Variants in DUSP5 observed in about 807,000 individuals in gnomAD.
DUSP5 encodes dual specificity phosphatase 5.
DUSP5 carries 22 observed loss-of-function variants against 33.6 expected under a neutral mutation model. The ratio of observed to expected loss-of-function variants is 0.66; its 90% confidence interval spans 0.47 to 0.94. DUSP5 has a LOEUF of 0.94. Ranked by LOEUF, DUSP5 falls within the 40% of genes least tolerant of loss-of-function variation. DUSP5 has a pLI of 0.00. For synonymous variants in DUSP5, 270 were observed against 231.1 expected, an observed-to-expected ratio of 1.17 and a Z score of -1.53; for missense variants, 551 against 522.1, an observed-to-expected ratio of 1.06 and a Z score of -0.54.
At position 110,509,938 on chromosome 10, in the gene DUSP5, C is replaced by A. The variant is rs1308811520; in HGVS notation, c.749-82C>A. The A allele has an allele frequency of 3.3e-6, 5 of 1,503,848 alleles. No homozygotes were observed. In the African/African-American group the frequency reaches 7.0e-5, roughly 21 times the overall value. The allele number at this position is 1,503,848 out of a possible 1,614,324, so 93.2% of individuals were successfully genotyped here. ...GCACAACAGTTTCATATCTAGGTTA[C>A]TCCAGTGTTTGATTCTTGTGTTTTG... On this transcript the variant is annotated intron_variant, in intron 3 of 3. Transcript: ENST00000369583.
chr10:110,509,898 G>T (rs762519626), intron 3 of DUSP5, 122 bp from the exon 4 acceptor site: 63 of 1,326,188 alleles, frequency 4.8e-5, no homozygotes, highest in Admixed American at 2.5e-4. Flanking sequence ...GTGTAGGGCC[G>T]TGGCTCTTAG....
chr10:110,498,710 G>C (rs1488807074), intron 1 of DUSP5, among the ~76,000 whole-genome samples: 1 of 152,220 alleles, frequency 6.6e-6, no homozygotes, highest in Non-Finnish European at 1.5e-5. Context: ...GAAAGCGCCC[G>C]GCAGCGGGTC....
At chr10:110,509,537 G>A (rs1860160353) in intron 3 of DUSP5, among the ~76,000 whole-genome samples, 1 of 152,196 alleles carries the variant, frequency 6.6e-6, no homozygotes, top group South Asian at 2.1e-4. Flanking sequence ...ATCAGACCTG[G>A]AGAGACAAGA....
intron 3 of DUSP5, among the ~76,000 whole-genome samples, chr10:110,509,424 C>T (rs1157913506): frequency 6.6e-6 from 1 of 152,100 alleles, no homozygotes. Context: ...TGGTGAGAAC[C>T]CTGGGAGCTG....
At chr10:110,506,499 T>C (rs1860121446) in intron 2 of DUSP5, among the ~76,000 whole-genome samples, 1 of 152,126 alleles carries the variant, frequency 6.6e-6, no homozygotes, top group African/African-American at 2.4e-5. Context: ...CACACCATGT[T>C]GAGTCCTGGT....
chr10:110,504,563 G>C (rs909407058), intron 2 of DUSP5, among the ~76,000 whole-genome samples: 1 of 152,162 alleles, frequency 6.6e-6, no homozygotes, highest in African/African-American at 2.4e-5. Flanking sequence ...AGTGTCCATT[G>C]GTGGGGACCC....
At position 110,510,371 on chromosome 10, in the gene DUSP5, A is replaced by G. The variant is rs1346623608; in HGVS notation, c.1100A>G (p.His367Arg). The G allele has an allele frequency of 1.2e-6, 2 of 1,612,414 alleles. No homozygotes were observed. The highest frequency in any genetic ancestry group is 1.3e-5 in the African/African-American group (1 of 74,870). Residue 367 changes from histidine (H) to arginine (R), a missense_variant, in exon 4 of 4, where the codon CAC (histidine) becomes CGC (arginine). His to Arg is a conservative substitution (Grantham distance 29). Transcript: ENST00000369583. ...PASVLAPVPTHSTVSELSRSP... is the reference protein window; with the variant it reads ...PASVLAPVPTRSTVSELSRSP... ...TCGGTGCTGGCACCGGTGCCTACCC[A>G]CTCAACAGTCTCAGAGCTCAGCAGA...
At chr10:110,499,711 C>A (rs1482789196) in intron 1 of DUSP5, among the ~76,000 whole-genome samples, 4 of 152,200 alleles carry the variant, frequency 2.6e-5, no homozygotes, top group Admixed American at 2.6e-4. Context: ...AATCGTCCTT[C>A]TTCTAACAGC....
intron 3 of DUSP5, among the ~76,000 whole-genome samples, chr10:110,508,569 C>T (rs1211352415): frequency 6.6e-6 from 1 of 152,174 alleles, no homozygotes; most frequent in East Asian, 1.9e-4. Context: ...ATGCTGACCC[C>T]TTCCAAGGGA....
rs1337823955 is a variant in DUSP5 at position 110,498,449 on chromosome 10, A to G, written c.328A>G (p.Thr110Ala). The G allele has an allele frequency of 6.5e-7, 1 of 1,538,756 alleles. No homozygotes were observed. Among genetic ancestry groups the G allele is most frequent in the Non-Finnish European group, 8.7e-7 (1 of 1,151,834 alleles). Residue 110 changes from threonine (T) to alanine (A), a missense_variant, in exon 1 of 4, where the codon ACC (threonine) becomes GCC (alanine). Thr to Ala is a moderately conservative substitution (Grantham distance 58, BLOSUM62 0). Coordinates refer to ENST00000369583, the MANE Select transcript of DUSP5 (RefSeq NM_004419.4). ...REESAARVVL[T>A]SLLACLPAGP... ...GGAGAGCGCCGCGCGTGTCGTCCTC[A>G]CCTCGCTACTCGCTTGCCTACCCGC...
chr10:110,507,947 T>C (rs1358605195), intron 3 of DUSP5, among the ~76,000 whole-genome samples: 7 of 152,340 alleles, frequency 4.6e-5, no homozygotes, highest in South Asian at 2.1e-4. Flanking sequence ...TCTAACCTTG[T>C]GATCATGCCC....
In DUSP5 at chr10:110,498,199, C is replaced by T. The variant is rs781774248; in HGVS notation, c.78C>T (p.Leu26=). The T allele has an allele frequency of 8.0e-6, 12 of 1,504,102 alleles. No homozygotes were observed. Among genetic ancestry groups the T allele is most frequent in the Non-Finnish European group, 3.6e-6 (4 of 1,126,244 alleles). The allele number at this position is 1,504,102 out of a possible 1,614,324, so 93.2% of individuals were successfully genotyped here. ...RKEAAARCVV[L]DCRPYLAFAA... ...AGGCGGCGGCGCGCTGCGTGGTGCTCGACTGCCGGCCCTATCTGGCCTTCG... is the reference window on the plus strand; with the variant it reads ...AGGCGGCGGCGCGCTGCGTGGTGCTTGACTGCCGGCCCTATCTGGCCTTCG... Residue 26 remains leucine (L), a synonymous_variant, in exon 1 of 4, where the codon CTC becomes CTT. Coordinates refer to ENST00000369583, the MANE Select transcript of DUSP5 (RefSeq NM_004419.4).
chr10:110,501,948 T>A (rs1860054877), intron 1 of DUSP5, among the ~76,000 whole-genome samples: 1 of 137,106 alleles, frequency 7.3e-6, no homozygotes, highest in South Asian at 2.6e-4. Flanking sequence ...ACACATGCCG[T>A]AAGTTGACTT....
intron 3 of DUSP5, 38 bp downstream of exon 3, chr10:110,507,192 C>A: frequency 6.3e-7 from 1 of 1,588,042 alleles, no homozygotes; most frequent in Non-Finnish European, 8.6e-7. Flanking sequence ...TTTTGGGAGC[C>A]CCTTTGGGGC....
intron 3 of DUSP5, among the ~76,000 whole-genome samples, chr10:110,509,055 T>A (rs1860153949): frequency 6.6e-6 from 1 of 152,252 alleles, no homozygotes; most frequent in Non-Finnish European, 1.5e-5. Flanking sequence ...TAGTGCCAGC[T>A]ACATCTAACT....
chr10:110,503,510 C>T (rs1027306309), intron 2 of DUSP5: 2 of 152,188 alleles, frequency 1.3e-5, no homozygotes, highest in South Asian at 4.1e-4. Flanking sequence ...TGTTTTTCTT[C>T]TAAAAATGAG....
intron 3 of DUSP5, among the ~76,000 whole-genome samples, 196 bp downstream of exon 3, chr10:110,507,350 G>T (rs1450247001): frequency 6.6e-6 from 1 of 152,236 alleles, no homozygotes; most frequent in Non-Finnish European, 1.5e-5. Context: ...ATGAATAGGA[G>T]CTTTAATTTG....
Position 110,498,260 on chromosome 10 carries a change from C to G in DUSP5, c.139C>G (p.Leu47Val), listed in dbSNP as rs750950380. 1.7e-5 allele frequency: 26 copies of G among 1,500,058 alleles called. No homozygotes were observed. The highest frequency in any genetic ancestry group is 5.9e-5 in the South Asian group (5 of 84,204). The allele number at this position is 1,500,058 out of a possible 1,614,324, so 92.9% of individuals were successfully genotyped here. Residue 47 changes from leucine (L) to valine (V), a missense_variant, in exon 1 of 4, where the codon CTC becomes GTC. Leu to Val is a conservative substitution (Grantham distance 32). Around this residue, in one of 3 missense-constraint regions of DUSP5, gnomAD observed 381 missense variants for 310.4 expected, o/e 1.23. Coordinates refer to ENST00000369583, the MANE Select transcript of DUSP5 (RefSeq NM_004419.4). ...CGTGCGCGGCTCGCTCAACGTCAAC[C>G]TCAACTCGGTGGTGCTGCGGCGGGC... ...SNVRGSLNVN[L>V]NSVVLRRARG...
Position 110,497,916 on chromosome 10 carries a change from G to A in DUSP5, c.-206G>A. 1 of 218,706 alleles carries A rather than the reference G, an allele frequency of 4.6e-6. No homozygotes were observed. The highest frequency in any genetic ancestry group is 7.7e-6 in the Non-Finnish European group (1 of 129,226). The allele number at this position is 218,706 out of a possible 1,614,324, so 13.5% of individuals were successfully genotyped here. On this transcript the variant is annotated 5_prime_UTR_variant, in exon 1 of 4. Transcript: ENST00000369583. ...GGCCGGCGGAATCCCCGGCTTCTAGGGCGGCGAGCGGCCGGGCTGGCTATC... is the reference window on the plus strand; with the variant it reads ...GGCCGGCGGAATCCCCGGCTTCTAGAGCGGCGAGCGGCCGGGCTGGCTATC...
Sources: gnomAD v4.1 joint callset for allele counts (sites outside exome capture counted in the v4.1 genomes callset) on GRCh38, gnomAD v4.1.1 for gene constraint, gnomAD v4.1.1 regional missense constraint, MANE v1.5 for transcripts, NCBI Gene and HGNC (gene_info 2026-07-23, HGNC 2026-07-21) for gene names.